Variants in PLXNC1 observed in about 807,000 individuals in gnomAD.
The protein encoded by PLXNC1 is plexin-C1.
In PLXNC1, 75 loss-of-function variants were observed where a neutral mutation model predicts 178.2. That is an observed-to-expected ratio of 0.42 (90% CI 0.35 to 0.51). The LOEUF (loss-of-function observed/expected upper bound fraction) is 0.51, where lower values mean the gene tolerates loss of function less well. Ranked by LOEUF, PLXNC1 falls within the 20% of genes least tolerant of loss-of-function variation. The probability of loss-of-function intolerance (pLI) is 0.02; values close to 1 mark genes in which losing one functional copy is unlikely to be tolerated. For synonymous variants in PLXNC1, 790 were observed against 779.9 expected, an observed-to-expected ratio of 1.01 and a Z score of -0.22; for missense variants, 1,503 against 1,984.4, an observed-to-expected ratio of 0.76 and a Z score of 4.61.
chr12:94,263,216 C>G (rs1965051022), intron 20 of PLXNC1, among the ~76,000 whole-genome samples: 1 of 147,158 alleles, frequency 6.8e-6, no homozygotes, highest in Non-Finnish European at 1.5e-5. Flanking sequence ...CCGCCCCCGG[C>G]CCCGGGAAGG....
chr12:94,297,970 A>G (rs1968096028), intron 26 of PLXNC1, among the ~76,000 whole-genome samples: 1 of 152,274 alleles, frequency 6.6e-6, no homozygotes, highest in Non-Finnish European at 1.5e-5. Context: ...GTCTGTGGTG[A>G]TCTTTTTTTT....
At chr12:94,187,753 C>G (rs1325588619) in intron 4 of PLXNC1, among the ~76,000 whole-genome samples, 1 of 152,134 alleles carries the variant, frequency 6.6e-6, no homozygotes, top group African/African-American at 2.4e-5. Context: ...GATTAAATAG[C>G]CACATGGAGC....
At position 94,277,554 on chromosome 12, in the gene PLXNC1, A is replaced by G. The variant is rs549092020; in HGVS notation, c.3598-1918A>G. ...AGAAAGCGACATACACAGAGGTTAC[A>G]CAGCTGGTTAGGGATGGGTTCAGAG... On this transcript the variant is annotated intron_variant, in intron 21 of 30. Transcript: ENST00000258526. 1.3e-4 allele frequency among the ~76,000 whole-genome samples: 20 copies of G among 152,288 alleles called. No individual in the cohort carries two copies. The South Asian group carries it at 4.1e-3, about 32-fold the overall frequency.
At chr12:94,259,812 C>T (rs1021236310) in intron 19 of PLXNC1, 78 bp downstream of exon 19, 1 of 1,341,788 alleles carries the variant, frequency 7.5e-7, no homozygotes, top group Non-Finnish European at 9.9e-7. Context: ...GGCTGTAATC[C>T]CAGCATTTTG....
At chr12:94,233,601 C>T (rs1177143586) in intron 9 of PLXNC1, among the ~76,000 whole-genome samples, 1 of 152,216 alleles carries the variant, frequency 6.6e-6, no homozygotes, top group African/African-American at 2.4e-5. Context: ...TGTCCAGAGG[C>T]ACTGCTCACT....
At chr12:94,253,376 T>G (rs889827819) in intron 15 of PLXNC1, among the ~76,000 whole-genome samples, 8 of 152,178 alleles carry the variant, frequency 5.3e-5, no homozygotes, top group Non-Finnish European at 1.2e-4. Flanking sequence ...TTATGTTCAT[T>G]GAGCACCTGT....
At chr12:94,186,522 A>C in intron 4 of PLXNC1, 49 bp downstream of exon 4, 1 of 1,194,282 alleles carries the variant, frequency 8.4e-7, no homozygotes, top group Non-Finnish European at 1.2e-6. Flanking sequence ...AAAAAGTGTC[A>C]TGCGGCAGAA....
intron 4 of PLXNC1, among the ~76,000 whole-genome samples, chr12:94,205,313 C>T (rs74588171): frequency 0.013 from 1,998 of 152,252 alleles, 29 homozygotes; most frequent in Non-Finnish European, 0.021. Context: ...AAAAGTCGAT[C>T]CAGCTGGGCG....
intron 9 of PLXNC1, among the ~76,000 whole-genome samples, chr12:94,236,655 G>GA (rs11413570): frequency 0.17 from 26,056 of 152,000 alleles, 3,092 homozygotes; most frequent in African/African-American, 0.34. Flanking sequence ...GGATATAGGG[G>GA]AAAAAAGAGT....
chr12:94,173,903 G>A (rs1256997387), intron 2 of PLXNC1, among the ~76,000 whole-genome samples: 2 of 152,074 alleles, frequency 1.3e-5, no homozygotes, highest in Non-Finnish European at 2.9e-5. Flanking sequence ...TAGTCCACGG[G>A]GGTCTCTGAA....
intron 28 of PLXNC1, 123 bp downstream of exon 28, chr12:94,301,180 G>T: frequency 1.6e-6 from 1 of 633,264 alleles, no homozygotes; most frequent in Non-Finnish European, 2.5e-6. Flanking sequence ...GAGATAGCAA[G>T]GGCCACTGTC....
At chr12:94,272,893 A>G (rs902485510) in intron 21 of PLXNC1, among the ~76,000 whole-genome samples, 4 of 152,198 alleles carry the variant, frequency 2.6e-5, no homozygotes, top group Admixed American at 2.6e-4. Flanking sequence ...CAGATCGCCT[A>G]TGTCCAGCCT....
chr12:94,165,884 G>A (rs1200774443), intron 1 of PLXNC1, among the ~76,000 whole-genome samples: 1 of 152,034 alleles, frequency 6.6e-6, no homozygotes, highest in African/African-American at 2.4e-5. Flanking sequence ...TTCCAGAGGA[G>A]GAAGTGAGGG....
At chr12:94,286,959 C>T (rs1966851165) in intron 23 of PLXNC1, among the ~76,000 whole-genome samples, 1 of 152,192 alleles carries the variant, frequency 6.6e-6, no homozygotes, top group South Asian at 2.1e-4. Context: ...CAGAGCCCCA[C>T]ATTGCTGGCA....
At chr12:94,174,825 T>G (rs1005075706) in intron 2 of PLXNC1, among the ~76,000 whole-genome samples, 1 of 152,160 alleles carries the variant, frequency 6.6e-6, no homozygotes, top group African/African-American at 2.4e-5. Context: ...GTTGGCTGTT[T>G]AGGATGTCAT....
intron 16 of PLXNC1, 67 bp from the exon 17 acceptor site, chr12:94,255,126 A>G (rs1964804636): frequency 1.6e-6 from 2 of 1,258,874 alleles, no homozygotes; most frequent in Non-Finnish European, 2.3e-6. Flanking sequence ...GTGTTAGACA[A>G]AACAGCAGAA....
rs545714652 is a variant in PLXNC1 at position 94,172,051 on chromosome 12, A to G, written c.1203+2758A>G. The stretch of plus-strand genomic sequence containing the variant: ...GATTTGGAAACTACCGATAATCCTC[A>G]AATCCCTTTATTCAGAAGCTTTCAG... On this transcript the variant is annotated intron_variant, in intron 2 of 30. Coordinates refer to ENST00000258526, the MANE Select transcript of PLXNC1 (RefSeq NM_005761.3). 7.9e-5 allele frequency among the ~76,000 whole-genome samples: 12 copies of G among 152,350 alleles called. No individual in the cohort carries two copies. The East Asian group carries it at 2.3e-3, about 29-fold the overall frequency.
chr12:94,158,687 A>G (rs769207515), intron 1 of PLXNC1, among the ~76,000 whole-genome samples: 1 of 152,148 alleles, frequency 6.6e-6, no homozygotes, highest in South Asian at 2.1e-4. Flanking sequence ...TTGTAGTCCA[A>G]CTGCTTGGGA....
intron 1 of PLXNC1, among the ~76,000 whole-genome samples, chr12:94,160,308 T>C (rs553433010): frequency 2.0e-5 from 3 of 152,182 alleles, no homozygotes; most frequent in African/African-American, 4.8e-5. Flanking sequence ...GTGGAGAAGA[T>C]AGTGATTATA....
Sources: allele counts gnomAD v4.1 joint callset (sites outside exome capture counted in the v4.1 genomes callset), GRCh38; gene constraint gnomAD v4.1.1; transcripts MANE v1.5; gene names NCBI Gene and HGNC (gene_info 2026-07-23, HGNC 2026-07-21).